Variants in MID1 observed in about 807,000 individuals in gnomAD.
MID1 encodes E3 ubiquitin-protein ligase Midline-1.
In MID1, 7 loss-of-function variants were observed where a neutral mutation model predicts 40.4. The ratio of observed to expected loss-of-function variants is 0.17; its 90% confidence interval spans 0.10 to 0.33. The LOEUF (loss-of-function observed/expected upper bound fraction) is 0.33. Among genes scored for constraint, MID1 ranks in the 10% least tolerant of loss-of-function variants. The pLI, the probability that MID1 is intolerant of heterozygous loss-of-function variation, is 1.00. For synonymous variants in MID1, 229 were observed against 221.2 expected (o/e 1.04, Z -0.31); for missense variants, 367 against 558.5 (o/e 0.66, Z 3.46).
intron 1 of MID1, among the ~76,000 whole-genome samples, chrX:10,705,102 A>T (rs2043221199): frequency 8.9e-6 from 1 of 111,951 alleles, no homozygotes; most frequent in Admixed American, 9.5e-5. Context: ...CACATAAAGA[A>T]AAAAGAAGAT....
At chrX:10,680,123 ACCAGTTAAG>A in intron 1 of MID1, among the ~76,000 whole-genome samples, 1 of 112,078 alleles carries the variant, frequency 8.9e-6, no homozygotes, top group East Asian at 2.8e-4. Context: ...ATTCTCCACA[ACCAGTTAAG>A]CCATTGTATC....
chrX:10,800,110 T>C lies in MID1; in HGVS notation c.-187+33444A>G, dbSNP rs1030622142. On this transcript the variant is annotated intron_variant, in intron 1 of 10. Transcript: ENST00000380785. Reference sequence around the variant, plus strand: ...CCTTAAGTAACTTGCTTCTAACTTATAGGACATGGCAACATTGAGGGGAAT... The same window carrying C: ...CCTTAAGTAACTTGCTTCTAACTTACAGGACATGGCAACATTGAGGGGAAT... 5.4e-5 allele frequency among the ~76,000 whole-genome samples: 6 copies of C among 111,603 alleles called. No homozygotes were observed. In the East Asian group the frequency reaches 1.1e-3, roughly 21 times the overall value.
At chrX:10,808,918 T>C (rs1372811802) in intron 1 of MID1, among the ~76,000 whole-genome samples, 2 of 111,732 alleles carry the variant, frequency 1.8e-5, no homozygotes, top group South Asian at 3.7e-4. Flanking sequence ...AAAGCCAAAA[T>C]TGACAAATGG....
intron 1 of MID1, among the ~76,000 whole-genome samples, chrX:10,811,941 A>G (rs2044105358): frequency 1.8e-5 from 2 of 111,798 alleles, no homozygotes; most frequent in Admixed American, 9.5e-5. Flanking sequence ...CATTCTTTTG[A>G]TATTTTGGAG....
chrX:10,509,703 G>A (rs1225532565), intron 3 of MID1, among the ~76,000 whole-genome samples: 1 of 112,044 alleles, frequency 8.9e-6, no homozygotes, highest in African/African-American at 3.2e-5. Context: ...AAAACACAGT[G>A]CTGTGTACAG....
At chrX:10,763,242 C>T (rs1262091771) in intron 1 of MID1, among the ~76,000 whole-genome samples, 2 of 108,733 alleles carry the variant, frequency 1.8e-5, no homozygotes, top group African/African-American at 3.4e-5. Flanking sequence ...TATACATGTG[C>T]CATGTTAGTG....
At chrX:10,592,647 T>G (rs186644750) in intron 1 of MID1, among the ~76,000 whole-genome samples, 210 of 110,399 alleles carry the variant, frequency 1.9e-3, no homozygotes, top group Non-Finnish European at 2.7e-3. Flanking sequence ...TGTATATATA[T>G]AGAGAGAGTA....
At chrX:10,508,051 G>C (rs1931932415) in intron 3 of MID1, among the ~76,000 whole-genome samples, 1 of 112,357 alleles carries the variant, frequency 8.9e-6, no homozygotes, top group Admixed American at 9.4e-5. Flanking sequence ...TCAATGTACA[G>C]GGATCATCTA....
intron 1 of MID1, among the ~76,000 whole-genome samples, chrX:10,810,019 C>T (rs1224074888): frequency 9.0e-6 from 1 of 111,440 alleles, no homozygotes; most frequent in Non-Finnish European, 1.9e-5. Flanking sequence ...GTAAAATATT[C>T]ATAACGTAAA....
chrX:10,462,401 G>C (rs1012636505), intron 7 of MID1, among the ~76,000 whole-genome samples: 1 of 111,768 alleles, frequency 8.9e-6, no homozygotes, highest in Admixed American at 9.5e-5. Flanking sequence ...ATATGGCACT[G>C]AGTTTGCTTA....
At chrX:10,596,419 A>T (rs981615886) in intron 1 of MID1, among the ~76,000 whole-genome samples, 1 of 112,360 alleles carries the variant, frequency 8.9e-6, no homozygotes, top group South Asian at 3.7e-4. Flanking sequence ...TAGGAGAAAT[A>T]TATCAGTTAT....
At chrX:10,591,041 T>TAA (rs895146781) in intron 1 of MID1, among the ~76,000 whole-genome samples, 1 of 109,600 alleles carries the variant, frequency 9.1e-6, no homozygotes, top group African/African-American at 3.3e-5. Flanking sequence ...TTTTAAACAT[T>TAA]AAAAAAAAAG....
chrX:10,731,283 A>G (rs2043447361), intron 1 of MID1, among the ~76,000 whole-genome samples: 1 of 112,184 alleles, frequency 8.9e-6, no homozygotes, highest in Non-Finnish European at 1.9e-5. Context: ...AGAGAGTGTC[A>G]GACTGGATAA....
At chrX:10,552,972 T>C (rs1359369690) in intron 2 of MID1, among the ~76,000 whole-genome samples, 1 of 112,044 alleles carries the variant, frequency 8.9e-6, no homozygotes, top group Non-Finnish European at 1.9e-5. Context: ...CTGAATCTTA[T>C]AAATGGTGGC....
intron 1 of MID1, among the ~76,000 whole-genome samples, chrX:10,713,466 G>A (rs2043282114): frequency 9.1e-6 from 1 of 110,403 alleles, no homozygotes; most frequent in African/African-American, 3.3e-5. Context: ...TGGAACTACA[G>A]GCATGCACTA....
At position 10,747,884 on chromosome X, in the gene MID1, A is replaced by T. The variant is rs146937977; in HGVS notation, c.-187+85670T>A. Among the ~76,000 whole-genome samples the T allele has an allele frequency of 4.4e-3, 499 of 112,464 alleles. 5 individuals carry two copies. The highest frequency in any genetic ancestry group is 0.015 in the African/African-American group (472 of 30,972). On this transcript the variant is annotated intron_variant, in intron 1 of 10. Coordinates refer to the MID1 transcript ENST00000380785. Reference sequence around the variant, plus strand: ...ATGCCTTCTAAAAATTCCTCACATTATATCTATGCTCCTTCAAAACCATAA... The same window carrying T: ...ATGCCTTCTAAAAATTCCTCACATTTTATCTATGCTCCTTCAAAACCATAA...
chrX:10,501,845 C>T (rs956339370), intron 3 of MID1, among the ~76,000 whole-genome samples: 5 of 111,794 alleles, frequency 4.5e-5, no homozygotes, highest in East Asian at 5.6e-4. Context: ...TGGTTAGCAA[C>T]GCCCAAAGTC....
At chrX:10,595,114 A>T (rs1233535226) in intron 1 of MID1, among the ~76,000 whole-genome samples, 1 of 111,918 alleles carries the variant, frequency 8.9e-6, no homozygotes, top group Non-Finnish European at 1.9e-5. Flanking sequence ...GGAAACTGAG[A>T]CACAGAGTTA....
At chrX:10,674,373 A>G (rs1400910525) in intron 1 of MID1, among the ~76,000 whole-genome samples, 1 of 112,681 alleles carries the variant, frequency 8.9e-6, no homozygotes, top group African/African-American at 3.2e-5. Context: ...TTGTTAGAAC[A>G]GCACGAGTTG....
Sources: gnomAD v4.1 joint callset for allele counts (sites outside exome capture counted in the v4.1 genomes callset) on GRCh38, gnomAD v4.1.1 for gene constraint, MANE v1.5 for transcripts, NCBI Gene and HGNC (gene_info 2026-07-23, HGNC 2026-07-21) for gene names.